TNK2: variants seen among roughly 807,000 people sequenced by gnomAD.
TNK2 encodes the protein tyrosine kinase non receptor 2.
TNK2 carries 83 observed loss-of-function variants against 101.8 expected under a neutral mutation model. The ratio of observed to expected loss-of-function variants is 0.82; its 90% confidence interval spans 0.68 to 0.98. The LOEUF is 0.98. TNK2 is among the 50% of genes least tolerant of loss of function. The pLI is 0.00. For synonymous variants in TNK2, 804 were observed against 633.0 expected (o/e 1.27, Z -4.06); for missense variants, 1,665 against 1,483.2 (o/e 1.12, Z -2.01).
chr3:195,876,983 C>T (rs1438927001), intron 9 of TNK2, among the ~76,000 whole-genome samples: 3 of 152,218 alleles, frequency 2.0e-5, no homozygotes, highest in East Asian at 1.9e-4. Context: ...ACAAGAGGGG[C>T]CAGGCCCACG....
In TNK2 at chr3:195,878,565, C is replaced by A; in HGVS notation, c.1042G>T (p.Glu348Ter). The A allele has an allele frequency of 6.2e-7, 1 of 1,613,400 alleles. No homozygotes were observed. The highest frequency in any genetic ancestry group is 8.5e-7 in the Non-Finnish European group (1 of 1,179,972). Residue 348 changes from glutamate (E) to a stop codon, truncating the protein, a stop_gained, in exon 8 of 16, where the codon GAG (glutamate) becomes TAG (stop). Transcript: ENST00000672887. LOFTEE classifies it high-confidence loss of function. The surrounding 1 kb of genome is among the most constrained non-coding windows in gnomAD (Gnocchi z 4.7). ...CAGTCCTCGGGCCGGGGCAGCCGCT[C>A]CCCCTCCTTGTCGATCTTATGCAGG... ...QILHKIDKEG[E>*]RLPRPEDCPQ...
At chr3:195,869,437 G>A (rs576559429) in intron 12 of TNK2, 60 bp downstream of exon 12, 8 of 1,512,558 alleles carry the variant, frequency 5.3e-6, no homozygotes, top group Non-Finnish European at 7.2e-6. Flanking sequence ...CCTTCCAGGA[G>A]AGGAGTGAGA....
chr3:195,882,541 G>A lies in TNK2; in HGVS notation c.610-213C>T. On this transcript the variant is annotated intron_variant, in intron 5 of 15. Transcript: ENST00000672887. This position sits in a 1 kb window ranked among gnomAD's most constrained non-coding sequence, Gnocchi z 4.2. ...GGAAACTGATGCCTAGAGAGAAGGA[G>A]CCCAAAGAGGCAGTGGCTAGAAATT... 2 of 1,528,768 alleles carry A rather than the reference G, an allele frequency of 1.3e-6. No homozygotes were observed. Among genetic ancestry groups the A allele is most frequent in the Non-Finnish European group, 1.8e-6 (2 of 1,142,676 alleles). 94.7% of individuals were successfully genotyped at this position (1,528,768 alleles called of 1,614,324 possible).
intron 1 of TNK2, chr3:195,892,616 G>A (rs984107787): frequency 1.4e-6 from 2 of 1,452,670 alleles, no homozygotes; most frequent in African/African-American, 1.4e-5. Context: ...GAACGGGGTG[G>A]GCCCCTCCGC....
At position 195,885,197 on chromosome 3, in the gene TNK2, G is replaced by A. The variant is rs904421189; in HGVS notation, c.235-164C>T. The A allele has an allele frequency of 2.5e-5, 25 of 995,552 alleles. No individual in the cohort carries two copies. The highest frequency in any genetic ancestry group is 2.0e-4 in the African/African-American group (12 of 61,014). 61.7% of individuals were successfully genotyped at this position (995,552 alleles called of 1,614,324 possible). A position where few individuals can be genotyped will look rare whatever the true frequency, so the allele number is the denominator to read the frequency against. ...CAGCCTGGCTGGAGGCCCACACTCCGTCCAGGGCACACCCCCAAACATGAA... is the reference window on the plus strand; with the variant it reads ...CAGCCTGGCTGGAGGCCCACACTCCATCCAGGGCACACCCCCAAACATGAA... On this transcript the variant is annotated intron_variant, in intron 3 of 15. Coordinates refer to ENST00000672887, the MANE Select transcript of TNK2 (RefSeq NM_001382273.1). The surrounding 1 kb of genome is among the most constrained non-coding windows in gnomAD (Gnocchi z 4.7).
At chr3:195,891,314 G>T (rs1240961985) in intron 1 of TNK2, among the ~76,000 whole-genome samples, 2 of 152,228 alleles carry the variant, frequency 1.3e-5, no homozygotes, top group African/African-American at 4.8e-5. Flanking sequence ...GCTGAGGCAG[G>T]AGAATCACTT....
chr3:195,877,823 G>A (rs373957138), intron 9 of TNK2, among the ~76,000 whole-genome samples: 1 of 152,030 alleles, frequency 6.6e-6, no homozygotes, highest in African/African-American at 2.4e-5. Context: ...CAGGAAGGAT[G>A]GAAAGCTGCA....
Position 195,868,727 on chromosome 3 carries a change from A to G in TNK2, c.1589-18T>C. 4 of 1,531,008 alleles carry G rather than the reference A, an allele frequency of 2.6e-6. No individual in the cohort carries two copies. Among genetic ancestry groups the G allele is most frequent in the Non-Finnish European group, 3.5e-6 (4 of 1,148,426 alleles). The allele number at this position is 1,531,008 out of a possible 1,614,324, so 94.8% of individuals were successfully genotyped here. ...GGTTGGTTCTGTGATGGAAAGGGAG[A>G]GCCCAACAGGAAGGCAGTCAGGCAG... On this transcript the variant is annotated intron_variant, in intron 12 of 15. Coordinates refer to ENST00000672887, the MANE Select transcript of TNK2 (RefSeq NM_001382273.1).
Position 195,879,186 on chromosome 3 carries a change from C to A in TNK2, c.888-11G>T. 2 of 1,612,772 alleles carry A rather than the reference C, an allele frequency of 1.2e-6. No homozygotes were observed. Among genetic ancestry groups the A allele is most frequent in the Non-Finnish European group, 1.7e-6 (2 of 1,179,872 alleles). On this transcript the variant is annotated splice_polypyrimidine_tract_variant and intron_variant, in intron 6 of 15. Coordinates refer to ENST00000672887, the MANE Select transcript of TNK2 (RefSeq NM_001382273.1). ...CTCTCGGGGGCACACCTGGCAGAGG[C>A]AGGGGTCAAAGAGAAGCCCTCTCAA...
chr3:195,896,925 G>A (rs1196301883), intron 1 of TNK2: 1 of 152,272 alleles, frequency 6.6e-6, no homozygotes, highest in Non-Finnish European at 1.5e-5. Flanking sequence ...CCAAGGCGCA[G>A]ACATGACAGG....
intron 1 of TNK2, among the ~76,000 whole-genome samples, chr3:195,890,205 G>C (rs983492020): frequency 6.6e-6 from 1 of 152,172 alleles, no homozygotes; most frequent in Non-Finnish European, 1.5e-5. Context: ...CCCTTTACTG[G>C]AATGGTTCTC....
In TNK2 at chr3:195,869,478, C is replaced by G. The variant is rs925319791; in HGVS notation, c.1588+19G>C. ...GGGGCGGGGGCGGGGGCCAAGGCAT[C>G]GGAAGCAGCCCCACTTACTCTGAGT... On this transcript the variant is annotated intron_variant, in intron 12 of 15. Transcript: ENST00000672887. 1.3e-6 allele frequency: 2 copies of G among 1,549,902 alleles called. No individual in the cohort carries two copies. Among genetic ancestry groups the G allele is most frequent in the Non-Finnish European group, 1.7e-6 (2 of 1,146,690 alleles).
In TNK2 at chr3:195,886,896, G is replaced by C; in HGVS notation, c.234+81C>G. 3 of 1,490,816 alleles carry C rather than the reference G, an allele frequency of 2.0e-6. No individual in the cohort carries two copies. In the South Asian group the frequency reaches 3.4e-5, roughly 17 times the overall value. 92.3% of individuals were successfully genotyped at this position (1,490,816 alleles called of 1,614,324 possible). On this transcript the variant is annotated intron_variant, in intron 3 of 15. Transcript: ENST00000672887. The surrounding 1 kb of genome is among the most constrained non-coding windows in gnomAD (Gnocchi z 4.2). The stretch of plus-strand genomic sequence containing the variant: ...CGAGATTCGACCTGCCGGGGAGCTG[G>C]GGAAGGTTCCCAGGACCAGAAGCGG...
rs763435087 is a variant in TNK2, at chr3:195,867,525, G to A, written c.2773C>T (p.Arg925Trp). 5 of 1,545,896 alleles carry A rather than the reference G, an allele frequency of 3.2e-6. No homozygotes were observed. The highest frequency in any genetic ancestry group is 2.3e-5 in the East Asian group (1 of 43,732). ...TCCAAGGCAGCCTGGGGCATCGGCC[G>A]CACGGTGGCCGTGGGGGCGGCGGGG... ...PAPAAPTATVRPMPQAALDPK... is the reference protein window; with the variant it reads ...PAPAAPTATVWPMPQAALDPK... Residue 925 changes from arginine (R) to tryptophan (W), a missense_variant, in exon 13 of 16, where the codon CGG becomes TGG. By Grantham distance (101) the Arg-to-Trp change is moderately radical. Around this residue, in one of 3 missense-constraint regions of TNK2, gnomAD observed 1,136 missense variants for 894.9 expected, o/e 1.27. Coordinates refer to ENST00000672887, the MANE Select transcript of TNK2 (RefSeq NM_001382273.1).
chr3:195,887,237 C>T (rs1756096028), intron 2 of TNK2, among the ~76,000 whole-genome samples, 190 bp from the exon 3 acceptor site: 1 of 152,250 alleles, frequency 6.6e-6, no homozygotes, highest in African/African-American at 2.4e-5. Flanking sequence ...CTGGCACTGG[C>T]TCTCAAACTG....
At chr3:195,871,233 C>G (rs1745106588) in intron 10 of TNK2, among the ~76,000 whole-genome samples, 1 of 152,090 alleles carries the variant, frequency 6.6e-6, no homozygotes, top group Non-Finnish European at 1.5e-5. Flanking sequence ...GTGACTGATT[C>G]TGCGTGTCCT....
chr3:195,891,189 CG>C (rs571015396), intron 1 of TNK2, among the ~76,000 whole-genome samples: 144 of 152,272 alleles, frequency 9.5e-4, no homozygotes, highest in Middle Eastern at 3.4e-3. Flanking sequence ...CTGAGGTGGG[CG>C]GATCACCTGA....
intron 6 of TNK2, among the ~76,000 whole-genome samples, chr3:195,879,720 C>T (rs1404339151): frequency 6.6e-6 from 1 of 152,080 alleles, no homozygotes; most frequent in African/African-American, 2.4e-5. Flanking sequence ...GAAAGGACAT[C>T]CCGGCGTGGA....
intron 10 of TNK2, 46 bp downstream of exon 10, chr3:195,872,230 G>A: frequency 6.2e-7 from 1 of 1,606,238 alleles, no homozygotes; most frequent in East Asian, 2.2e-5. Flanking sequence ...GGGCCCTGGA[G>A]TCCCGAGCGG....
Sources: allele counts gnomAD v4.1 joint callset (sites outside exome capture counted in the v4.1 genomes callset), GRCh38; gene constraint gnomAD v4.1.1; regional missense constraint gnomAD v4.1.1; non-coding constraint Gnocchi (gnomAD v3.1); transcripts MANE v1.5; gene names NCBI Gene and HGNC (gene_info 2026-07-23, HGNC 2026-07-21).